The following FRMD4A variants were observed in gnomAD, a reference collection of about 807,000 sequenced individuals.
FRMD4A encodes the protein FERM domain containing 4A, also known as FERM domain-containing protein 4A.
In FRMD4A, 29 loss-of-function variants were observed where a neutral mutation model predicts 129.1. The ratio of observed to expected loss-of-function variants is 0.22; its 90% CI spans 0.17 to 0.31. FRMD4A has a LOEUF of 0.31. Ranked by LOEUF, FRMD4A falls within the 10% of genes least tolerant of loss-of-function variation. The pLI is 1.00. For synonymous variants in FRMD4A, 634 were observed against 571.6 expected (o/e 1.11, Z -1.56); for missense variants, 1,272 against 1,375.8 (o/e 0.92, Z 1.19).
At chr10:14,073,314 A>AATGGAG (rs1835405102) in intron 2 of FRMD4A, among the ~76,000 whole-genome samples, 1 of 152,108 alleles carries the variant, frequency 6.6e-6, no homozygotes, top group Non-Finnish European at 1.5e-5. Flanking sequence ...CTACAAGGTG[A>AATGGAG]CAGATGGGAT....
In FRMD4A at chr10:14,166,625, A is replaced by G. The variant is rs564139114; in HGVS notation, c.45+163433T>C. 8.0e-4 allele frequency among the ~76,000 whole-genome samples: 122 copies of G among 152,352 alleles called. 1 individual carries two copies. The highest frequency in any genetic ancestry group is 2.8e-3 in the African/African-American group (118 of 41,586). Reference sequence around the variant, plus strand: ...CTCCAGTTATGGTATCTTCACTGGTAGAGCCCCCTTTACACCTGCAGCTAT... The same window carrying G: ...CTCCAGTTATGGTATCTTCACTGGTGGAGCCCCCTTTACACCTGCAGCTAT... On this transcript the variant is annotated intron_variant, in intron 2 of 24. Coordinates refer to ENST00000357447, the MANE Select transcript of FRMD4A (RefSeq NM_018027.5).
intron 2 of FRMD4A, among the ~76,000 whole-genome samples, chr10:13,929,762 TAG>T (rs1565058972): frequency 6.6e-6 from 1 of 152,170 alleles, no homozygotes; most frequent in African/African-American, 2.4e-5. Context: ...GCTGTAGTGG[TAG>T]AGATGGGATC....
At position 14,330,064 on chromosome 10, in the gene FRMD4A, C is replaced by T. The variant is rs141230624; in HGVS notation, c.39G>A (p.Leu13=). The T allele has an allele frequency of 7.1e-5, 111 of 1,553,142 alleles. 1 individual carries two copies. The African/African-American group carries it at 1.4e-3, about 20-fold the overall frequency. Residue 13 remains leucine (L), a synonymous_variant, in exon 2 of 25, where the codon CTG becomes CTA. Transcript: ENST00000357447. ...CTCCTGTCTGAACACTCACCATCAG[C>T]AGGCCGAGAGCTGAGTCGGGCACCA... ...VQLVPDSALG[L]LMMTEGRRCQ...
intron 2 of FRMD4A, among the ~76,000 whole-genome samples, chr10:13,860,074 C>T (rs2094272964): frequency 6.8e-6 from 1 of 147,860 alleles, no homozygotes; most frequent in African/African-American, 2.7e-5. Context: ...CTGGCATCAC[C>T]CTCAAAGGAA....
At chr10:14,174,221 C>T (rs769324363) in intron 2 of FRMD4A, among the ~76,000 whole-genome samples, 1 of 152,190 alleles carries the variant, frequency 6.6e-6, no homozygotes, top group African/African-American at 2.4e-5. Flanking sequence ...TGCAAAGCGC[C>T]GTTCCTGGAG....
Position 13,796,599 on chromosome 10 carries a change from T to C in FRMD4A, c.207-11A>G, listed in dbSNP as rs764150830. The C allele has an allele frequency of 7.4e-6, 11 of 1,483,040 alleles. No homozygotes were observed. The highest frequency in any genetic ancestry group is 2.3e-5 in the East Asian group (1 of 44,320). 91.9% of individuals were successfully genotyped at this position (1,483,040 alleles called of 1,614,324 possible). ...CAGTTTAAGTGTCCCCTGAAGAAAATAGAGACAAATTGGTTAGGGGTTTGC... is the reference window on the plus strand; with the variant it reads ...CAGTTTAAGTGTCCCCTGAAGAAAACAGAGACAAATTGGTTAGGGGTTTGC... On this transcript the variant is annotated splice_polypyrimidine_tract_variant and intron_variant, in intron 4 of 24. Coordinates refer to ENST00000357447, the MANE Select transcript of FRMD4A (RefSeq NM_018027.5).
intron 2 of FRMD4A, among the ~76,000 whole-genome samples, chr10:14,309,979 CG>C (rs1297264909): frequency 6.6e-6 from 1 of 151,912 alleles, no homozygotes; most frequent in East Asian, 1.9e-4. Flanking sequence ...CAAGACTGGC[CG>C]TTCTTCCAGC....
intron 2 of FRMD4A, among the ~76,000 whole-genome samples, chr10:14,173,819 G>T (rs1841596220): frequency 6.6e-6 from 1 of 151,934 alleles, no homozygotes; most frequent in Non-Finnish European, 1.5e-5. Flanking sequence ...CAGATGGCTC[G>T]CTCCCCTCTC....
chr10:14,167,529 T>C (rs56067075), intron 2 of FRMD4A, among the ~76,000 whole-genome samples: 5,811 of 97,354 alleles, frequency 0.06, 202 homozygotes, highest in Non-Finnish European at 0.079. Flanking sequence ...AGAGCAAGAC[T>C]CCGTCTCTCA....
intron 2 of FRMD4A, among the ~76,000 whole-genome samples, chr10:14,162,743 G>C (rs78023290): frequency 4.2e-4 from 63 of 148,564 alleles, no homozygotes; most frequent in African/African-American, 1.5e-3. Flanking sequence ...TTCGTTAGCT[G>C]GTTGCTGCAG....
At chr10:14,190,148 G>A (rs891748593) in intron 2 of FRMD4A, among the ~76,000 whole-genome samples, 1 of 152,172 alleles carries the variant, frequency 6.6e-6, no homozygotes. Context: ...TTTACAGACA[G>A]AAAAACTGTG....
chr10:13,979,365 G>A (rs542927910), intron 2 of FRMD4A, among the ~76,000 whole-genome samples: 3 of 152,192 alleles, frequency 2.0e-5, no homozygotes, highest in East Asian at 3.9e-4. Flanking sequence ...CTTCCTTTTC[G>A]CAGAGGACGA....
intron 12 of FRMD4A, among the ~76,000 whole-genome samples, chr10:13,728,393 T>C (rs2090062900): frequency 6.6e-6 from 1 of 151,672 alleles, no homozygotes; most frequent in Non-Finnish European, 1.5e-5. Context: ...CCTGGACCCA[T>C]GGTCCTGTCT....
At chr10:14,021,948 G>C in intron 2 of FRMD4A, among the ~76,000 whole-genome samples, 1 of 151,788 alleles carries the variant, frequency 6.6e-6, no homozygotes, top group East Asian at 1.9e-4. Flanking sequence ...TGAGATTTCT[G>C]CGTTTTTTTT....
At chr10:14,292,409 T>C (rs1845877307) in intron 2 of FRMD4A, among the ~76,000 whole-genome samples, 1 of 152,220 alleles carries the variant, frequency 6.6e-6, no homozygotes, top group Non-Finnish European at 1.5e-5. Flanking sequence ...ATTCAATCAA[T>C]GATGCAGAGA....
At position 13,987,535 on chromosome 10, in the gene FRMD4A, C is replaced by A. The variant is rs114038311; in HGVS notation, c.46-128623G>T. 3.1e-3 allele frequency among the ~76,000 whole-genome samples: 477 copies of A among 152,210 alleles called. 6 individuals carry two copies. The highest frequency in any genetic ancestry group is 0.011 in the African/African-American group (457 of 41,530). On this transcript the variant is annotated intron_variant, in intron 2 of 24. Coordinates refer to ENST00000357447, the MANE Select transcript of FRMD4A (RefSeq NM_018027.5). ...ACTTGAGTTCGCCCAACGTCAGGAA[C>A]CAAGCAGCCAAGCTGAGACCCTGAT...
At chr10:13,858,789 G>C (rs541161351) in intron 3 of FRMD4A, 58 bp downstream of exon 3, 1 of 945,372 alleles carries the variant, frequency 1.1e-6, no homozygotes, top group Non-Finnish European at 1.8e-6. Flanking sequence ...GCTGGATCAA[G>C]GTCTGAAACC....
At chr10:14,113,579 C>G (rs1838041245) in intron 2 of FRMD4A, among the ~76,000 whole-genome samples, 2 of 152,052 alleles carry the variant, frequency 1.3e-5, no homozygotes, top group Admixed American at 1.3e-4. Context: ...GAAGTTATAC[C>G]TAGATTTCTG....
chr10:14,092,153 C>G (rs1322871112), intron 2 of FRMD4A, among the ~76,000 whole-genome samples: 1 of 151,166 alleles, frequency 6.6e-6, no homozygotes, highest in Non-Finnish European at 1.5e-5. Flanking sequence ...AAGCTTCACA[C>G]TCCGAGTCAG....
Sources: gnomAD v4.1 joint callset for allele counts (sites outside exome capture counted in the v4.1 genomes callset) on GRCh38, gnomAD v4.1.1 for gene constraint, MANE v1.5 for transcripts, NCBI Gene and HGNC (gene_info 2026-07-23, HGNC 2026-07-21) for gene names.